The following CTNNA1 variants were observed in gnomAD, a reference collection of about 807,000 sequenced individuals.
The protein encoded by CTNNA1 is catenin alpha 1, also known as catenin alpha-1.
CTNNA1 carries 37 observed loss-of-function variants against 98.4 expected under a neutral mutation model. The ratio of observed to expected loss-of-function variants is 0.38; its 90% CI spans 0.29 to 0.49. CTNNA1 has a LOEUF of 0.49. CTNNA1 is among the 20% of genes least tolerant of loss of function. The pLI is 0.95. For synonymous variants in CTNNA1, 404 were observed against 413.2 expected (o/e 0.98, Z 0.27); for missense variants, 761 against 1,147.2 (o/e 0.66, Z 4.86).
chr5:138,759,001 C>T (rs1752027073), intron 1 of CTNNA1, among the ~76,000 whole-genome samples: 1 of 152,160 alleles, frequency 6.6e-6, no homozygotes, highest in Non-Finnish European at 1.5e-5. Flanking sequence ...CAGGGATTCT[C>T]CATGTTGGTC....
chr5:138,859,747 T>C (rs192446431), intron 7 of CTNNA1, among the ~76,000 whole-genome samples: 134 of 151,986 alleles, frequency 8.8e-4, no homozygotes, highest in African/African-American at 3.2e-3. Context: ...ATCTCTACAA[T>C]AAATACAAAA....
intron 11 of CTNNA1, among the ~76,000 whole-genome samples, chr5:138,923,039 A>G (rs1217956416): frequency 6.6e-6 from 1 of 152,118 alleles, no homozygotes; most frequent in Non-Finnish European, 1.5e-5. Context: ...TGATTCTGAA[A>G]TAGGGATGAG....
intron 3 of CTNNA1, among the ~76,000 whole-genome samples, chr5:138,791,702 A>G (rs1051798875): frequency 6.8e-6 from 1 of 147,720 alleles, no homozygotes; most frequent in African/African-American, 2.5e-5. Flanking sequence ...ACAATAGTTA[A>G]CATCTGTGAG....
At chr5:138,889,922 T>G (rs1434774540) in intron 9 of CTNNA1, among the ~76,000 whole-genome samples, 1 of 152,230 alleles carries the variant, frequency 6.6e-6, no homozygotes, top group Non-Finnish European at 1.5e-5. Flanking sequence ...TATGGCAGAA[T>G]TTTATTCTTC....
Position 138,810,114 on chromosome 5 carries a change from G to A in CTNNA1, c.378G>A (p.Arg126=). ...CTGTGAAGCGAGGCAACATGGTTCG[G>A]GCAGCTCGAGCTTTGCTCTCTGCTG... ...CSSVKRGNMV[R]AARALLSAVT... is the part of the protein sequence containing the mutation. The change falls in exon 4 of 18, where the codon CGG becomes CGA. Residue 126 remains arginine (R), a synonymous_variant. Coordinates refer to ENST00000302763, the MANE Select transcript of CTNNA1 (RefSeq NM_001903.5). The A allele has an allele frequency of 6.2e-7, 1 of 1,614,118 alleles. No homozygotes were observed. Among genetic ancestry groups the A allele is most frequent in the Non-Finnish European group, 8.5e-7 (1 of 1,180,024 alleles).
chr5:138,838,909 G>C (rs1396213125), intron 7 of CTNNA1, among the ~76,000 whole-genome samples: 1 of 152,028 alleles, frequency 6.6e-6, no homozygotes, highest in Non-Finnish European at 1.5e-5. Flanking sequence ...GGGATTACAG[G>C]CGTGAGCTAC....
Position 138,929,402 on chromosome 5 carries a change from TC to T in CTNNA1, c.2010+49del, listed in dbSNP as rs747854786. The T allele has an allele frequency of 8.7e-6, 8 of 920,392 alleles. No individual in the cohort carries two copies. Among genetic ancestry groups the T allele is most frequent in the African/African-American group, 6.5e-5 (4 of 61,676 alleles). 57.0% of individuals were successfully genotyped at this position (920,392 alleles called of 1,614,324 possible). On this transcript the variant is annotated intron_variant, in intron 14 of 17. Coordinates refer to ENST00000302763, the MANE Select transcript of CTNNA1 (RefSeq NM_001903.5). The stretch of plus-strand genomic sequence containing the variant: ...GCAGTTCAGCTTGTGCTGCCGACTT[TC>T]CCTGTCCCCTTTCTTGTTTCCAGGA...
At chr5:138,857,718 G>T (rs984855014) in intron 7 of CTNNA1, among the ~76,000 whole-genome samples, 1 of 152,174 alleles carries the variant, frequency 6.6e-6, no homozygotes, top group Non-Finnish European at 1.5e-5. Flanking sequence ...ATGCATAAAG[G>T]TTAAATGATT....
At chr5:138,773,455 C>A (rs915280940) in intron 1 of CTNNA1, among the ~76,000 whole-genome samples, 8 of 152,128 alleles carry the variant, frequency 5.3e-5, no homozygotes, top group Non-Finnish European at 1.0e-4. Flanking sequence ...AAGAGAAGGC[C>A]AGTGTGACTA....
At chr5:138,933,688 C>A in intron 17 of CTNNA1, 114 bp from the exon 18 acceptor site, 1 of 1,107,386 alleles carries the variant, frequency 9.0e-7, no homozygotes, top group African/African-American at 1.6e-5. Flanking sequence ...CTGCGACCTG[C>A]CCAGGCCCTG....
Position 138,783,176 on chromosome 5 carries a change from G to T in CTNNA1, c.106-1G>T, listed in dbSNP as rs2149655974. The stretch of plus-strand genomic sequence containing the variant: ...TTTAATGTTAAAAATGAAACTTTTA[G>T]GTTACAACCCTTGTAAACACCAATA... On this transcript the variant is annotated splice_acceptor_variant, in intron 2 of 17. Coordinates refer to ENST00000302763, the MANE Select transcript of CTNNA1 (RefSeq NM_001903.5). LOFTEE classifies it high-confidence loss of function. 6.3e-7 allele frequency: 1 copy of T among 1,582,200 alleles called. No homozygotes were observed. Among genetic ancestry groups the T allele is most frequent in the East Asian group, 2.2e-5 (1 of 44,556 alleles).
intron 3 of CTNNA1, among the ~76,000 whole-genome samples, chr5:138,791,547 G>A (rs1296114224): frequency 1.4e-5 from 2 of 141,764 alleles, no homozygotes; most frequent in African/African-American, 5.4e-5. Context: ...AGCCCGGAAG[G>A]CAGAGGTTGC....
intron 7 of CTNNA1, chr5:138,869,190 A>C (rs913357273): frequency 6.6e-6 from 1 of 150,842 alleles, no homozygotes; most frequent in Non-Finnish European, 1.5e-5. Flanking sequence ...AAAAAAAAAA[A>C]CCGCTAAGGA....
At chr5:138,769,233 C>T (rs1432953883) in intron 1 of CTNNA1, among the ~76,000 whole-genome samples, 1 of 152,042 alleles carries the variant, frequency 6.6e-6, no homozygotes, top group African/African-American at 2.4e-5. Context: ...TTCTCAGACT[C>T]TAGTCAAGTC....
At chr5:138,792,588 G>T (rs1756497988) in intron 3 of CTNNA1, among the ~76,000 whole-genome samples, 1 of 152,192 alleles carries the variant, frequency 6.6e-6, no homozygotes, top group Non-Finnish European at 1.5e-5. Flanking sequence ...TAGCTTTGAA[G>T]AGCATTGTGT....
intron 1 of CTNNA1, among the ~76,000 whole-genome samples, chr5:138,777,330 T>C (rs1754431230): frequency 6.9e-6 from 1 of 145,276 alleles, no homozygotes; most frequent in Non-Finnish European, 1.5e-5. Context: ...CCTCACTTCC[T>C]AGATGGGATG....
intron 3 of CTNNA1, among the ~76,000 whole-genome samples, chr5:138,788,263 G>C (rs946744922): frequency 1.3e-5 from 2 of 152,060 alleles, no homozygotes; most frequent in Non-Finnish European, 2.9e-5. Context: ...GATAGTACCT[G>C]GTCCGTGATA....
intron 9 of CTNNA1, among the ~76,000 whole-genome samples, chr5:138,889,231 G>C (rs970965981): frequency 3.3e-5 from 5 of 152,212 alleles, no homozygotes; most frequent in Admixed American, 3.3e-4. Context: ...GAAGGGCTGA[G>C]TGTGGCAGCT....
chr5:138,845,470 C>T (rs1444608318), intron 7 of CTNNA1, among the ~76,000 whole-genome samples: 2 of 152,208 alleles, frequency 1.3e-5, no homozygotes, highest in African/African-American at 4.8e-5. Context: ...AAGAAAGTCA[C>T]ATGCTATAGA....
Sources: allele counts gnomAD v4.1 joint callset (sites outside exome capture counted in the v4.1 genomes callset), GRCh38; gene constraint gnomAD v4.1.1; transcripts MANE v1.5; gene names NCBI Gene and HGNC (gene_info 2026-07-23, HGNC 2026-07-21).